The following PGM2L1 variants were observed in gnomAD, a reference collection of about 807,000 sequenced individuals.
PGM2L1 encodes phosphoglucomutase 2 like 1.
A neutral mutation model predicts 73.4 loss-of-function variants in PGM2L1; 35 were observed. The observed-to-expected ratio is 0.48, with a 90% CI of 0.36 to 0.63. The LOEUF is 0.63. PGM2L1 is among the 30% of genes least tolerant of loss of function. The pLI is 0.00. For synonymous variants in PGM2L1, 225 were observed against 253.8 expected (o/e 0.89, Z 1.08); for missense variants, 570 against 742.0 (o/e 0.77, Z 2.69).
rs1029654601 is a variant in PGM2L1, at chr11:74,334,475, T to G, written c.*2177A>C. On this transcript the variant is annotated 3_prime_UTR_variant, in exon 14 of 14. Transcript: ENST00000298198. The stretch of plus-strand genomic sequence containing the variant: ...AAACAAAAATTCTACACATATCTTC[T>G]CCAGTGCAAAGCCTTTGAAAACAAA... 6.6e-6 allele frequency: 1 copy of G among 152,192 alleles called. No individual in the cohort carries two copies. The highest frequency in any genetic ancestry group is 2.4e-5 in the African/African-American group (1 of 41,460). The allele number at this position is 152,192 out of a possible 1,614,324, so 9.4% of individuals were successfully genotyped here.
intron 5 of PGM2L1, among the ~76,000 whole-genome samples, chr11:74,357,668 C>T (rs1296163200): frequency 6.6e-6 from 1 of 152,214 alleles, no homozygotes; most frequent in Non-Finnish European, 1.5e-5. Context: ...AGCACTCACA[C>T]TCCTTGGTAT....
In PGM2L1 at chr11:74,368,514, C is replaced by A. The variant is rs745737634; in HGVS notation, c.533G>T (p.Arg178Leu). Residue 178 changes from arginine to leucine, a missense_variant, in exon 5 of 14, where the codon CGC (arginine) becomes CTC (leucine). Transcript: ENST00000298198. ...TACCTTGTATCCATTGTCTTCCTTGCGGTTGTGAGAGGCAGTAATCATCAC... is the reference window on the plus strand; with the variant it reads ...TACCTTGTATCCATTGTCTTCCTTGAGGTTGTGAGAGGCAGTAATCATCAC... ...AGVMITASHN[R>L]KEDNGYKVYW... 6.2e-7 allele frequency: 1 copy of A among 1,613,308 alleles called. No homozygotes were observed. Among genetic ancestry groups the A allele is most frequent in the Admixed American group, 1.7e-5 (1 of 59,974 alleles).
rs550678015 is a variant in PGM2L1, at chr11:74,352,000, C to A, written c.556-424G>T. Among the ~76,000 whole-genome samples, 170 of 150,952 alleles carry A rather than the reference C, an allele frequency of 1.1e-3. 1 individual carries two copies. Among genetic ancestry groups the A allele is most frequent in the Non-Finnish European group, 1.5e-3 (104 of 67,702 alleles). On this transcript the variant is annotated intron_variant, in intron 5 of 13. Transcript: ENST00000298198. ...AATAAAAATAAAAATAAAAATAAAG[C>A]ATATCAAATTGATCAAATAAAAAAT...
At chr11:74,363,655 A>C (rs1420879448) in intron 5 of PGM2L1, among the ~76,000 whole-genome samples, 1 of 152,214 alleles carries the variant, frequency 6.6e-6, no homozygotes, top group African/African-American at 2.4e-5. Flanking sequence ...TCCCAAGACT[A>C]AACCAAGAAG....
rs1417862750 is a variant in PGM2L1 at position 74,335,059 on chromosome 11, A to T, written c.*1593T>A. 6.6e-6 allele frequency: 1 copy of T among 151,036 alleles called. No homozygotes were observed. 9.4% of individuals were successfully genotyped at this position (151,036 alleles called of 1,614,324 possible). On this transcript the variant is annotated 3_prime_UTR_variant, in exon 14 of 14. Transcript: ENST00000298198. ...GCTGGTATTACAGATGTGAGCCACC[A>T]AGCCCAGCCTAAACAGCATTTCTCT...
At chr11:74,362,413 C>A (rs1394237884) in intron 5 of PGM2L1, among the ~76,000 whole-genome samples, 1 of 152,156 alleles carries the variant, frequency 6.6e-6, no homozygotes, top group African/African-American at 2.4e-5. Context: ...TGGAAAGGAA[C>A]AACCGGTACC....
At chr11:74,375,997 T>A (rs1012512324) in intron 1 of PGM2L1, among the ~76,000 whole-genome samples, 4 of 152,186 alleles carry the variant, frequency 2.6e-5, no homozygotes, top group African/African-American at 9.6e-5. Context: ...GAATAGACTC[T>A]TCACGTTTAG....
chr11:74,358,925 C>T lies in PGM2L1; in HGVS notation c.556-7349G>A, dbSNP rs550517728. Among the ~76,000 whole-genome samples the T allele has an allele frequency of 1.6e-4, 25 of 152,108 alleles. 1 individual carries two copies. The highest frequency in any genetic ancestry group is 1.4e-3 in the Admixed American group (22 of 15,278). On this transcript the variant is annotated intron_variant, in intron 5 of 13. Coordinates refer to ENST00000298198, the MANE Select transcript of PGM2L1 (RefSeq NM_173582.6). ...ACAAAAACAAAAAAACCCAAAAGTT[C>T]CACCTCTAAAAATCTATCCTATAGA...
At chr11:74,356,025 T>A (rs1176156348) in intron 5 of PGM2L1, among the ~76,000 whole-genome samples, 1 of 152,064 alleles carries the variant, frequency 6.6e-6, no homozygotes, top group Non-Finnish European at 1.5e-5. Context: ...CTAAATGTAA[T>A]AGTCTGATCA....
intron 5 of PGM2L1, chr11:74,354,561 C>T: frequency 8.7e-7 from 1 of 1,152,836 alleles, no homozygotes; most frequent in Non-Finnish European, 1.3e-6. Context: ...TGGGAATGCT[C>T]ACGAACTGTG....
At position 74,338,529 on chromosome 11, in the gene PGM2L1, T is replaced by A. The variant is rs143682373; in HGVS notation, c.1705A>T (p.Thr569Ser). 5 of 1,606,454 alleles carry A rather than the reference T, an allele frequency of 3.1e-6. No homozygotes were observed. In the African/African-American group the frequency reaches 6.7e-5, roughly 21 times the overall value. ...FQNGCVATLRTSGTEPKIKYY... is the reference protein window; with the variant it reads ...FQNGCVATLRSSGTEPKIKYY... ...TTTATCTTTGGTTCTGTTCCACTTG[T>A]CCGAAGGGTAGCAACACAGCCATTT... The change falls in exon 13 of 14, where the codon ACA becomes TCA. Residue 569 changes from threonine (T) to serine (S), a missense_variant. Coordinates refer to ENST00000298198, the MANE Select transcript of PGM2L1 (RefSeq NM_173582.6).
chr11:74,358,363 C>T (rs960971784), intron 5 of PGM2L1, among the ~76,000 whole-genome samples: 10 of 152,242 alleles, frequency 6.6e-5, no homozygotes, highest in Admixed American at 2.0e-4. Context: ...CTCAGGGAAA[C>T]GCAAATATCT....
At chr11:74,362,620 C>T (rs1862583171) in intron 5 of PGM2L1, among the ~76,000 whole-genome samples, 1 of 152,054 alleles carries the variant, frequency 6.6e-6, no homozygotes, top group African/African-American at 2.4e-5. Flanking sequence ...AGAGTCAAGA[C>T]CCATCAGTGT....
Position 74,347,345 on chromosome 11 carries a change from G to A in PGM2L1, c.750-8C>T. On this transcript the variant is annotated splice_polypyrimidine_tract_variant and splice_region_variant and intron_variant, in intron 6 of 13. Coordinates refer to ENST00000298198, the MANE Select transcript of PGM2L1 (RefSeq NM_173582.6). ...GTCTTCGAGTTTAACTCCCTGTAAA[G>A]GAAAATCAACATAAGATCATGATTA... 1.3e-6 allele frequency: 2 copies of A among 1,569,570 alleles called. No individual in the cohort carries two copies. Among genetic ancestry groups the A allele is most frequent in the Middle Eastern group, 1.7e-4 (1 of 5,884 alleles).
intron 2 of PGM2L1, among the ~76,000 whole-genome samples, chr11:74,372,608 A>G (rs1452476171): frequency 6.6e-6 from 1 of 152,230 alleles, no homozygotes; most frequent in Non-Finnish European, 1.5e-5. Flanking sequence ...AAAAGAAAGA[A>G]ACGCAGACAC....
At chr11:74,339,331 A>G (rs1191823298) in intron 12 of PGM2L1, among the ~76,000 whole-genome samples, 5 of 152,182 alleles carry the variant, frequency 3.3e-5, no homozygotes, top group Non-Finnish European at 7.4e-5. Flanking sequence ...CTGACACTAA[A>G]TATATGGATT....
chr11:74,363,050 A>G (rs1862591964), intron 5 of PGM2L1, among the ~76,000 whole-genome samples: 1 of 152,190 alleles, frequency 6.6e-6, no homozygotes, highest in Non-Finnish European at 1.5e-5. Context: ...CTCAGACCAC[A>G]GTGCAATCAA....
chr11:74,342,352 T>G, intron 12 of PGM2L1, 109 bp downstream of exon 12: 2 of 867,166 alleles, frequency 2.3e-6, no homozygotes, highest in Non-Finnish European at 3.3e-6. Context: ...CTGGTAAACA[T>G]GAGGAAACTG....
intron 6 of PGM2L1, among the ~76,000 whole-genome samples, chr11:74,348,552 C>T (rs933678363): frequency 1.3e-5 from 2 of 152,042 alleles, no homozygotes; most frequent in Non-Finnish European, 2.9e-5. Context: ...AATTTCTTTC[C>T]TCTAATACCG....
Sources: allele counts gnomAD v4.1 joint callset (sites outside exome capture counted in the v4.1 genomes callset), GRCh38; gene constraint gnomAD v4.1.1; transcripts MANE v1.5; gene names NCBI Gene and HGNC (gene_info 2026-07-23, HGNC 2026-07-21).